TBC1D30: variants seen among roughly 807,000 people sequenced by gnomAD.
TBC1D30 encodes the protein TBC1 domain family, member 30.
Under a neutral mutation model 63.2 loss-of-function variants are expected in TBC1D30, and 31 were observed. That is an observed-to-expected ratio of 0.49 (90% CI 0.37 to 0.66). TBC1D30 has a LOEUF of 0.66. Ranked by LOEUF, TBC1D30 falls within the 30% of genes least tolerant of loss-of-function variation. TBC1D30 has a pLI of 0.00. For missense variants in TBC1D30, 810 were observed against 953.6 expected (o/e 0.85, Z 1.98); for synonymous variants, 307 against 361.5 (o/e 0.85, Z 1.71).
chr12:64,807,918 G>GTTTTTGTTTTTT (rs1872970271), intron 2 of TBC1D30, among the ~76,000 whole-genome samples: 1 of 93,526 alleles, frequency 1.1e-5, no homozygotes, highest in East Asian at 3.7e-4. Context: ...CCTAATTTAA[G>GTTTTTGTTTTTT]TTTTTTTTTT....
At chr12:64,861,000 A>G (rs2136450701) in intron 8 of TBC1D30, among the ~76,000 whole-genome samples, 1 of 152,358 alleles carries the variant, frequency 6.6e-6, no homozygotes, top group South Asian at 2.1e-4. Context: ...GATGTGTTGG[A>G]TGCCATCTTT....
intron 2 of TBC1D30, among the ~76,000 whole-genome samples, chr12:64,810,333 CCAT>C (rs1443632687): frequency 6.6e-6 from 1 of 152,202 alleles, no homozygotes; most frequent in Non-Finnish European, 1.5e-5. Flanking sequence ...TATTCCTCCC[CCAT>C]CATCGTCTGG....
chr12:64,859,260 A>G (rs1165784597), intron 8 of TBC1D30, among the ~76,000 whole-genome samples: 1 of 152,194 alleles, frequency 6.6e-6, no homozygotes, highest in Non-Finnish European at 1.5e-5. Context: ...GAAGGCTGGA[A>G]TTCAGGGACT....
chr12:64,863,223 C>A (rs1592653108), intron 8 of TBC1D30, among the ~76,000 whole-genome samples: 1 of 152,168 alleles, frequency 6.6e-6, no homozygotes, highest in South Asian at 2.1e-4. Context: ...CGGGAAAACA[C>A]CCTCATATAA....
intron 2 of TBC1D30, among the ~76,000 whole-genome samples, chr12:64,797,301 T>G (rs1048646353): frequency 3.9e-5 from 6 of 152,224 alleles, no homozygotes; most frequent in Admixed American, 2.0e-4. Context: ...TTCTTCCTGT[T>G]GTGTCACCTT....
chr12:64,791,317 A>T (rs1320818567), intron 2 of TBC1D30, among the ~76,000 whole-genome samples: 4 of 152,200 alleles, frequency 2.6e-5, no homozygotes, highest in African/African-American at 9.7e-5. Flanking sequence ...TGGTGTGGTG[A>T]AAATGTTCTG....
Position 64,875,374 on chromosome 12 carries a change from C to T in TBC1D30, c.1872C>T (p.Ser624=). 1 of 1,536,224 alleles carries T rather than the reference C, an allele frequency of 6.5e-7. No individual in the cohort carries two copies. Among genetic ancestry groups the T allele is most frequent in the Admixed American group, 2.0e-5 (1 of 51,010 alleles). Residue 624 remains serine, a synonymous_variant, in exon 12 of 12, where the codon AGC becomes AGT. Transcript: ENST00000539867. ...CTATAGREGS[S]PEGSTRRTIE... Reference sequence around the variant, plus strand: ...CGACAGCTGGGAGAGAAGGCAGCAGCCCTGAAGGCAGTACCAGGAGGACGA... The same window carrying T: ...CGACAGCTGGGAGAGAAGGCAGCAGTCCTGAAGGCAGTACCAGGAGGACGA...
At chr12:64,866,439 A>G (rs1179315434) in intron 9 of TBC1D30, among the ~76,000 whole-genome samples, 1 of 151,678 alleles carries the variant, frequency 6.6e-6, no homozygotes, top group Non-Finnish European at 1.5e-5. Context: ...ATTATATATA[A>G]TTCTTTTTTT....
At chr12:64,778,062 A>G (rs1039623884), upstream of TBC1D30, among the ~76,000 whole-genome samples, 3 of 152,220 alleles carry the variant, frequency 2.0e-5, no homozygotes, top group African/African-American at 7.2e-5. Context: ...GCACCCAGCC[A>G]TCAGTGGTTC....
chr12:64,880,654 C>G lies in TBC1D30; in HGVS notation c.*4866C>G, dbSNP rs1180168334. ...ATACCATCACGTTGAAGGTTGCTTC[C>G]TTCCTGGTCGTTTGCTCTGGTGAGA... On this transcript the variant is annotated 3_prime_UTR_variant, in exon 12 of 12. Coordinates refer to ENST00000539867, the MANE Select transcript of TBC1D30 (RefSeq NM_015279.2). 2 of 152,354 alleles carry G rather than the reference C, an allele frequency of 1.3e-5. No individual in the cohort carries two copies. Among genetic ancestry groups the G allele is most frequent in the East Asian group, 3.9e-4 (2 of 5,184 alleles). The allele number at this position is 152,354 out of a possible 1,614,324, so 9.4% of individuals were successfully genotyped here.
At chr12:64,796,993 A>T (rs2136310597) in intron 2 of TBC1D30, among the ~76,000 whole-genome samples, 1 of 145,704 alleles carries the variant, frequency 6.9e-6, no homozygotes, top group African/African-American at 2.5e-5. Context: ...ACTTTTAGGA[A>T]TTTCACATAT....
chr12:64,785,888 T>C (rs1478843909), exon 2 of TBC1D30: 43 of 1,289,314 alleles, frequency 3.3e-5, no homozygotes, highest in Non-Finnish European at 4.1e-5. Context: ...TAGACGCTAA[T>C]GAACTGAAGA....
chr12:64,837,096 C>T (rs912396284), intron 6 of TBC1D30, among the ~76,000 whole-genome samples: 1 of 152,114 alleles, frequency 6.6e-6, no homozygotes, highest in Non-Finnish European at 1.5e-5. Flanking sequence ...GGGCATCATC[C>T]AGCTTTTGGA....
At chr12:64,770,450 C>A (rs896795902) in intron 1 of TBC1D30, among the ~76,000 whole-genome samples, 2 of 152,160 alleles carry the variant, frequency 1.3e-5, no homozygotes, top group Non-Finnish European at 2.9e-5. Context: ...TGGCTTTATG[C>A]AGAATCCCTT....
At position 64,879,484 on chromosome 12, in the gene TBC1D30, G is replaced by T. The variant is rs1177977277; in HGVS notation, c.*3696G>T. 1 of 152,178 alleles carries T rather than the reference G, an allele frequency of 6.6e-6. No individual in the cohort carries two copies. The highest frequency in any genetic ancestry group is 1.5e-5 in the Non-Finnish European group (1 of 68,026). The allele number at this position is 152,178 out of a possible 1,614,324, so 9.4% of individuals were successfully genotyped here. ...TTTAAGATACATATATCTCCAAATT[G>T]CCATTCTTAAAGGTTGGAGTTATAC... On this transcript the variant is annotated 3_prime_UTR_variant, in exon 12 of 12. Coordinates refer to ENST00000539867, the MANE Select transcript of TBC1D30 (RefSeq NM_015279.2).
rs1358809136 is a variant in TBC1D30 at position 64,879,676 on chromosome 12, A to G, written c.*3888A>G. ...CCATACCTCATTCCTGACTTTTAAAAGAAGCATTAAGTAAGATGTTGAGGT... is the reference window on the plus strand; with the variant it reads ...CCATACCTCATTCCTGACTTTTAAAGGAAGCATTAAGTAAGATGTTGAGGT... On this transcript the variant is annotated 3_prime_UTR_variant, in exon 12 of 12. Coordinates refer to ENST00000539867, the MANE Select transcript of TBC1D30 (RefSeq NM_015279.2). The G allele has an allele frequency of 6.6e-6, 1 of 152,220 alleles. No individual in the cohort carries two copies. The highest frequency in any genetic ancestry group is 1.5e-5 in the Non-Finnish European group (1 of 68,038). 9.4% of individuals were successfully genotyped at this position (152,220 alleles called of 1,614,324 possible).
chr12:64,809,485 A>G (rs1217201075), intron 2 of TBC1D30, among the ~76,000 whole-genome samples: 4 of 152,048 alleles, frequency 2.6e-5, no homozygotes, highest in South Asian at 2.1e-4. Flanking sequence ...TTGTTTATCT[A>G]CTTGTTGGTT....
At chr12:64,834,511 A>G (rs1395403336) in intron 5 of TBC1D30, among the ~76,000 whole-genome samples, 2 of 151,416 alleles carry the variant, frequency 1.3e-5, no homozygotes, top group Non-Finnish European at 2.9e-5. Flanking sequence ...GGTTCAAGCA[A>G]TTCTCCTGCC....
At chr12:64,825,099 T>G (rs981009107) in intron 1 of TBC1D30, 66 bp downstream of exon 1, 1 of 1,484,598 alleles carries the variant, frequency 6.7e-7, no homozygotes, top group African/African-American at 1.4e-5. Context: ...CGCTTCTGCC[T>G]TAGCCTGACT....
Sources: allele counts gnomAD v4.1 joint callset (sites outside exome capture counted in the v4.1 genomes callset), GRCh38; gene constraint gnomAD v4.1.1; transcripts MANE v1.5; gene names NCBI Gene and HGNC (gene_info 2026-07-23, HGNC 2026-07-21).